The following LHFPL3 variants were observed in gnomAD, a reference collection of about 807,000 sequenced individuals.
LHFPL3 encodes the protein LHFPL tetraspan subfamily member 3 protein.
Under a neutral mutation model 19.3 loss-of-function variants are expected in LHFPL3, and 5 were observed. The ratio of observed to expected loss-of-function variants is 0.26; its 90% CI spans 0.14 to 0.54. LHFPL3 has a LOEUF of 0.54. Among genes scored for constraint, LHFPL3 ranks in the 20% least tolerant of loss-of-function variants. LHFPL3 has a pLI of 0.94. For synonymous variants in LHFPL3, 133 were observed against 126.2 expected, an observed-to-expected ratio of 1.05 and a Z score of -0.36; for missense variants, 249 against 307.4, an observed-to-expected ratio of 0.81 and a Z score of 1.42.
intron 2 of LHFPL3, among the ~76,000 whole-genome samples, chr7:104,829,563 G>C (rs978477347): frequency 3.3e-5 from 5 of 151,564 alleles, no homozygotes; most frequent in Admixed American, 2.0e-4. Context: ...TCCCACCTAT[G>C]AGTGAGAACA....
At chr7:104,412,736 G>GAT (rs1388183636) in intron 1 of LHFPL3, among the ~76,000 whole-genome samples, 2 of 152,086 alleles carry the variant, frequency 1.3e-5, no homozygotes, top group Non-Finnish European at 2.9e-5. Flanking sequence ...TTATACTAGA[G>GAT]AGTTCAGTAG....
chr7:104,687,370 G>C (rs1259956209), intron 1 of LHFPL3, among the ~76,000 whole-genome samples: 2 of 152,088 alleles, frequency 1.3e-5, no homozygotes, highest in Non-Finnish European at 2.9e-5. Flanking sequence ...AGTCTTTTTG[G>C]GTTTTTATAG....
At chr7:104,682,279 C>T (rs776087850) in intron 1 of LHFPL3, among the ~76,000 whole-genome samples, 12 of 152,132 alleles carry the variant, frequency 7.9e-5, no homozygotes, top group Non-Finnish European at 1.0e-4. Flanking sequence ...GACAAAAGAC[C>T]GTCCCTCTGT....
intron 2 of LHFPL3, among the ~76,000 whole-genome samples, chr7:104,764,935 C>T (rs779968240): frequency 1.3e-4 from 20 of 152,184 alleles, no homozygotes; most frequent in Non-Finnish European, 2.5e-4. Context: ...ATTTCATTAG[C>T]GCTCATGCCA....
At position 104,469,968 on chromosome 7, in the gene LHFPL3, T is replaced by C. The variant is rs921587047; in HGVS notation, c.445+140744T>C. 8 of 455,678 alleles carry C rather than the reference T, an allele frequency of 1.8e-5. 1 individual carries two copies. The highest frequency in any genetic ancestry group is 4.7e-5 in the Admixed American group (2 of 42,550). The allele number at this position is 455,678 out of a possible 1,614,324, so 28.2% of individuals were successfully genotyped here. A position where few individuals can be genotyped will look rare whatever the true frequency, so the allele number is the denominator to read the frequency against. On this transcript the variant is annotated intron_variant, in intron 1 of 2. Coordinates refer to ENST00000424859, the MANE Select transcript of LHFPL3 (RefSeq NM_199000.3). ...TCATAGAAAACTGTACGGAAATAGG[T>C]GGTTGCGCTTGAAATGCCACACTCT...
chr7:104,516,468 AATT>A (rs1793923885), intron 1 of LHFPL3, among the ~76,000 whole-genome samples: 2 of 152,166 alleles, frequency 1.3e-5, no homozygotes, highest in African/African-American at 4.8e-5. Flanking sequence ...TAATTTTAAT[AATT>A]ATTAGCATTA....
intron 1 of LHFPL3, among the ~76,000 whole-genome samples, chr7:104,361,038 C>G (rs1790381897): frequency 6.6e-6 from 1 of 152,144 alleles, no homozygotes; most frequent in Non-Finnish European, 1.5e-5. Flanking sequence ...AGTCAAATGT[C>G]AGTGTCCATA....
chr7:104,735,201 A>T (rs1407607923), intron 1 of LHFPL3, among the ~76,000 whole-genome samples: 1 of 152,224 alleles, frequency 6.6e-6, no homozygotes. Context: ...TGGTTCTCAG[A>T]TCTCAAACTC....
rs146190887 is a variant in LHFPL3, at chr7:104,399,026, C to T, written c.445+69802C>T. Among the ~76,000 whole-genome samples the T allele has an allele frequency of 5.9e-5, 9 of 152,240 alleles. No homozygotes were observed. The highest frequency in any genetic ancestry group is 1.9e-4 in the African/African-American group (8 of 41,562). Reference sequence around the variant, plus strand: ...GCTATGCTTAACAGTTGTCAGTTCCCTTTCTAAGGACAGGCTTTATGGTTG... The same window carrying T: ...GCTATGCTTAACAGTTGTCAGTTCCTTTTCTAAGGACAGGCTTTATGGTTG... On this transcript the variant is annotated intron_variant, in intron 1 of 2. Transcript: ENST00000424859. This position sits in a 1 kb window ranked among gnomAD's most constrained non-coding sequence, Gnocchi z 4.4.
intron 1 of LHFPL3, among the ~76,000 whole-genome samples, chr7:104,428,603 C>G (rs1791893205): frequency 6.6e-6 from 1 of 152,216 alleles, no homozygotes; most frequent in Non-Finnish European, 1.5e-5. Context: ...ACGTCTACCT[C>G]AAGCCTAAGT....
intron 1 of LHFPL3, among the ~76,000 whole-genome samples, chr7:104,510,746 T>C (rs1223472963): frequency 1.3e-5 from 2 of 152,162 alleles, no homozygotes; most frequent in Non-Finnish European, 2.9e-5. Context: ...AGAATTAAAG[T>C]ATAAGCTACC....
At chr7:104,474,687 CAAAAAAAAAAA>C (rs928431129) in intron 1 of LHFPL3, among the ~76,000 whole-genome samples, 1 of 41,050 alleles carries the variant, frequency 2.4e-5, no homozygotes, top group African/African-American at 7.6e-5. Context: ...ACAACAACAA[CAAAAAAAAAAA>C]AAAAAAAAAA....
intron 1 of LHFPL3, among the ~76,000 whole-genome samples, chr7:104,615,608 T>A (rs1791317143): frequency 6.6e-6 from 1 of 152,180 alleles, no homozygotes; most frequent in Non-Finnish European, 1.5e-5. Flanking sequence ...TATGCCATGG[T>A]GGTTTGCTGC....
intron 2 of LHFPL3, among the ~76,000 whole-genome samples, chr7:104,781,711 A>C (rs1051696089): frequency 6.6e-6 from 1 of 152,154 alleles, no homozygotes; most frequent in Non-Finnish European, 1.5e-5. Flanking sequence ...CAATGTCACC[A>C]GTGACATCTG....
intron 1 of LHFPL3, among the ~76,000 whole-genome samples, chr7:104,563,663 G>A (rs570869515): frequency 1.3e-5 from 2 of 152,380 alleles, no homozygotes; most frequent in African/African-American, 4.8e-5. Context: ...CAGGCTGGGA[G>A]CTGTAGACCG....
chr7:104,772,409 T>C (rs1450261189), intron 2 of LHFPL3, among the ~76,000 whole-genome samples: 5 of 152,212 alleles, frequency 3.3e-5, no homozygotes, highest in African/African-American at 1.2e-4. Context: ...ATAGCCTTGG[T>C]GTGAGCTGTC....
rs183546890 is a variant in LHFPL3, at chr7:104,528,264, G to T, written c.445+199040G>T. Reference sequence around the variant, plus strand: ...ATATTTCAAAGCAGTTGGATGAGTTGCTATGATTGGAAGAAATACACACAA... The same window carrying T: ...ATATTTCAAAGCAGTTGGATGAGTTTCTATGATTGGAAGAAATACACACAA... On this transcript the variant is annotated intron_variant, in intron 1 of 2. Transcript: ENST00000424859. Among the ~76,000 whole-genome samples the T allele has an allele frequency of 2.3e-3, 346 of 152,322 alleles. 1 individual carries two copies. Among genetic ancestry groups the T allele is most frequent in the African/African-American group, 7.1e-3 (295 of 41,582 alleles).
intron 1 of LHFPL3, among the ~76,000 whole-genome samples, chr7:104,406,305 A>T (rs192578752): frequency 8.5e-4 from 130 of 152,298 alleles, no homozygotes; most frequent in Non-Finnish European, 1.0e-3. Context: ...TAGGCAATAG[A>T]TGAAGTGAGC....
chr7:104,557,249 A>G (rs1344196561), intron 1 of LHFPL3, among the ~76,000 whole-genome samples: 2 of 152,126 alleles, frequency 1.3e-5, no homozygotes, highest in Admixed American at 6.6e-5. Flanking sequence ...CATTTTTCAC[A>G]CTGTTGATAA....
Sources: gnomAD v4.1 joint callset for allele counts (sites outside exome capture counted in the v4.1 genomes callset) on GRCh38, gnomAD v4.1.1 for gene constraint, Gnocchi (gnomAD v3.1) non-coding constraint, MANE v1.5 for transcripts, NCBI Gene and HGNC (gene_info 2026-07-23, HGNC 2026-07-21) for gene names.